IL18R1: variants seen among roughly 807,000 people sequenced by gnomAD.
The protein encoded by IL18R1 is interleukin-18 receptor 1.
In IL18R1, 40 loss-of-function variants were observed where a neutral mutation model predicts 48.5. The observed-to-expected ratio is 0.82, with a 90% CI of 0.64 to 1.07. The LOEUF is 1.07. IL18R1 is among the 50% of genes least tolerant of loss of function. The pLI is 0.00. For missense variants in IL18R1, 596 were observed against 633.7 expected, an observed-to-expected ratio of 0.94 and a Z score of 0.64; for synonymous variants, 232 against 225.9, an observed-to-expected ratio of 1.03 and a Z score of -0.24.
chr2:102,356,468 C>A, intron 1 of IL18R1, 68 bp downstream of exon 1: 1 of 227,680 alleles, frequency 4.4e-6, no homozygotes, highest in Non-Finnish European at 7.3e-6. Flanking sequence ...GACCACCATC[C>A]GGGGAGGGAT....
rs555035048 is a variant in IL18R1 at position 102,360,843 on chromosome 2, T to C, written c.-28-1790T>C. Among the ~76,000 whole-genome samples the C allele has an allele frequency of 2.6e-5, 4 of 152,364 alleles. No individual in the cohort carries two copies. The East Asian group carries it at 7.7e-4, about 29-fold the overall frequency. On this transcript the variant is annotated intron_variant, in intron 1 of 10. Coordinates refer to ENST00000233957, the MANE Select transcript of IL18R1 (RefSeq NM_003855.5). ...TCTTCTATGCCTATTTTATTAATAC[T>C]TGCTAGAGTATCTGTTACATTTATC...
chr2:102,362,682 T>A lies in IL18R1; in HGVS notation c.22T>A (p.Leu8Met), dbSNP rs754624008. ...AACCATGAATTGTAGAGAATTACCC[T>A]TGACCCTTTGGGTGCTTATATCTGT... MNCRELP[L>M]TLWVLISVST... Residue 8 changes from leucine (L) to methionine (M), a missense_variant, in exon 2 of 11, where the codon TTG becomes ATG. Leu to Met is a conservative substitution (Grantham distance 15). Coordinates refer to ENST00000233957, the MANE Select transcript of IL18R1 (RefSeq NM_003855.5). 7.5e-6 allele frequency: 12 copies of A among 1,608,062 alleles called. No homozygotes were observed. The highest frequency in any genetic ancestry group is 1.0e-5 in the Non-Finnish European group (12 of 1,177,576).
In IL18R1 at chr2:102,372,073, A is replaced by ATTTTTTCACAGGT. The variant is rs1679298080; in HGVS notation, c.423_424insTTTTTTCACAGGT (p.Asn142PhefsTer5). Reference sequence around the variant, plus strand: ...AAAAATTTTTTCAGATAACCTGTGAAAACAGTTACTATCAAACACTGGTCA... The same window carrying ATTTTTTCACAGGT: ...AAAAATTTTTTCAGATAACCTGTGAATTTTTTCACAGGTAACAGTTACTATCAAACACTGGTCA... On this transcript the variant is annotated frameshift_variant, in exon 4 of 11. Coordinates refer to ENST00000233957, the MANE Select transcript of IL18R1 (RefSeq NM_003855.5). LOFTEE classifies it high-confidence loss of function. 6.2e-7 allele frequency: 1 copy of ATTTTTTCACAGGT among 1,608,368 alleles called. No homozygotes were observed. Among genetic ancestry groups the ATTTTTTCACAGGT allele is most frequent in the Non-Finnish European group, 8.5e-7 (1 of 1,178,452 alleles).
chr2:102,362,808 A>G, intron 2 of IL18R1, 90 bp downstream of exon 2: 2 of 715,964 alleles, frequency 2.8e-6, no homozygotes, highest in South Asian at 3.9e-5. Flanking sequence ...GCTACTGAAG[A>G]TGCTGAATTT....
chr2:102,379,080 A>G (rs1048889150), intron 5 of IL18R1, among the ~76,000 whole-genome samples: 3 of 152,176 alleles, frequency 2.0e-5, no homozygotes, highest in South Asian at 2.1e-4. Flanking sequence ...GGTCATGGCA[A>G]TGTTCCCATA....
In IL18R1 at chr2:102,397,013, G is replaced by GA; in HGVS notation, c.*128dup. 1.6e-6 allele frequency: 1 copy of GA among 639,522 alleles called. No homozygotes were observed. The highest frequency in any genetic ancestry group is 2.7e-6 in the Non-Finnish European group (1 of 374,256). 39.6% of individuals were successfully genotyped at this position (639,522 alleles called of 1,614,324 possible). A position where few individuals can be genotyped will look rare whatever the true frequency, so the allele number is the denominator to read the frequency against. On this transcript the variant is annotated 3_prime_UTR_variant, in exon 11 of 11. Transcript: ENST00000233957. ...GTCAAAATCCTGCTCACAATTTGAA[G>GA]ATGAAACTTGTCATTAGGTTGGCGG...
At chr2:102,388,669 T>C (rs750931484) in intron 8 of IL18R1, among the ~76,000 whole-genome samples, 1 of 152,160 alleles carries the variant, frequency 6.6e-6, no homozygotes, top group Non-Finnish European at 1.5e-5. Context: ...GGTTTAGAAA[T>C]TGGGGCTCAC....
chr2:102,368,211 T>A (rs1882348), intron 3 of IL18R1, 143 bp downstream of exon 3: 332,736 of 913,778 alleles, frequency 0.36, 62,816 homozygotes, highest in Middle Eastern at 0.48. Flanking sequence ...AATACATTCT[T>A]TGTTATGGAA....
Position 102,394,621 on chromosome 2 carries a change from G to T in IL18R1, c.1264G>T (p.Gly422Ter). The T allele has an allele frequency of 6.2e-7, 1 of 1,604,532 alleles. No homozygotes were observed. Among genetic ancestry groups the T allele is most frequent in the East Asian group, 2.2e-5 (1 of 44,792 alleles). The change falls in exon 10 of 11, where the codon GGA (glycine) becomes TGA (stop). Residue 422 changes from glycine (G) to a stop codon, truncating the protein, a stop_gained. Transcript: ENST00000233957. LOFTEE classifies it low-confidence loss of function (END_TRUNC). ...LCIFERDVVPGGAVVDEIHSL... is the reference protein window; with the variant it reads ...LCIFERDVVP ...CATATTTGAAAGGGATGTAGTGCCT[G>T]GAGGAGGTAAGAGGGAATGCCAGAT...
At chr2:102,363,533 T>C (rs935346615) in intron 2 of IL18R1, among the ~76,000 whole-genome samples, 4 of 152,192 alleles carry the variant, frequency 2.6e-5, no homozygotes, top group Admixed American at 6.5e-5. Flanking sequence ...CATTTTTTTA[T>C]ATGTAATGAT....
intron 1 of IL18R1, among the ~76,000 whole-genome samples, chr2:102,361,089 C>T (rs1430498481): frequency 6.6e-6 from 1 of 152,182 alleles, no homozygotes; most frequent in East Asian, 1.9e-4. Context: ...CTCCTGATAA[C>T]TTTGTCTCTT....
chr2:102,357,080 C>T (rs966605400), intron 1 of IL18R1, among the ~76,000 whole-genome samples: 1 of 152,192 alleles, frequency 6.6e-6, no homozygotes, highest in Non-Finnish European at 1.5e-5. Context: ...CACCTCTCAA[C>T]CTCAGGGCCT....
At chr2:102,380,317 G>T (rs951557575) in intron 5 of IL18R1, among the ~76,000 whole-genome samples, 1 of 152,178 alleles carries the variant, frequency 6.6e-6, no homozygotes, top group Non-Finnish European at 1.5e-5. Context: ...TGCTGAAGAT[G>T]TACTTCACAC....
In IL18R1 at chr2:102,394,482, T is replaced by C. The variant is rs1439205737; in HGVS notation, c.1125T>C (p.Tyr375=). 3 of 1,609,968 alleles carry C rather than the reference T, an allele frequency of 1.9e-6. No individual in the cohort carries two copies. The highest frequency in any genetic ancestry group is 3.4e-5 in the Admixed American group (2 of 59,440). Residue 375 remains tyrosine, a synonymous_variant, in exon 10 of 11, where the codon TAT becomes TAC. Coordinates refer to ENST00000233957, the MANE Select transcript of IL18R1 (RefSeq NM_003855.5). ...RDETLTDGKT[Y]DAFVSYLKEC... ...CTTACCTCCTAGATGGAAAAACATA[T>C]GATGCTTTTGTGTCTTACCTAAAAG... is the stretch of plus-strand genomic sequence containing the variant.
Position 102,396,650 on chromosome 2 carries a change from T to A in IL18R1, c.1390T>A (p.Leu464Met). 1 of 1,613,258 alleles carries A rather than the reference T, an allele frequency of 6.2e-7. No homozygotes were observed. Among genetic ancestry groups the A allele is most frequent in the Non-Finnish European group, 8.5e-7 (1 of 1,179,188 alleles). The change falls in exon 11 of 11, where the codon TTG becomes ATG. Residue 464 changes from leucine (L) to methionine (M), a missense_variant. Physicochemically the swap from Leu to Met is conservative, Grantham distance 15. Around this residue, in one of 3 missense-constraint regions of IL18R1, gnomAD observed 179 missense variants for 206.1 expected, o/e 0.87. Coordinates refer to ENST00000233957, the MANE Select transcript of IL18R1 (RefSeq NM_003855.5). Reference sequence around the variant, plus strand: ...ACTTGAAAGTGGACTCCATGAAGCATTGGTGGAAAGAAAAATTAAAATAAT... The same window carrying A: ...ACTTGAAAGTGGACTCCATGAAGCAATGGTGGAAAGAAAAATTAAAATAAT... ...YELESGLHEA[L>M]VERKIKIILI...
At chr2:102,373,809 G>A (rs979274442) in intron 4 of IL18R1, 3 of 193,710 alleles carry the variant, frequency 1.5e-5, no homozygotes, top group East Asian at 1.4e-4. Flanking sequence ...TGTGAGATCC[G>A]CAGCTGCATT....
At chr2:102,367,624 A>G (rs188477729) in intron 2 of IL18R1, among the ~76,000 whole-genome samples, 2 of 152,222 alleles carry the variant, frequency 1.3e-5, no homozygotes, top group African/African-American at 4.8e-5. Flanking sequence ...GTTTTCATCT[A>G]TGTTCTGAAA....
chr2:102,359,749 T>C (rs1187056095), intron 1 of IL18R1, among the ~76,000 whole-genome samples: 1 of 152,260 alleles, frequency 6.6e-6, no homozygotes, highest in Non-Finnish European at 1.5e-5. Context: ...GAATGCAGTT[T>C]GTCAGCATGC....
At chr2:102,370,206 C>T (rs982898116) in intron 3 of IL18R1, among the ~76,000 whole-genome samples, 2 of 152,190 alleles carry the variant, frequency 1.3e-5, no homozygotes, top group Admixed American at 6.5e-5. Flanking sequence ...TTGATTGTTT[C>T]AGTGTTCCCA....
Sources: allele counts gnomAD v4.1 joint callset (sites outside exome capture counted in the v4.1 genomes callset), GRCh38; gene constraint gnomAD v4.1.1; regional missense constraint gnomAD v4.1.1; transcripts MANE v1.5; gene names NCBI Gene and HGNC (gene_info 2026-07-23, HGNC 2026-07-21).